KAZN: variants seen among roughly 807,000 people sequenced by gnomAD.
The protein encoded by KAZN is kazrin, periplakin interacting protein, also known as kazrin.
Under a neutral mutation model 87.4 loss-of-function variants are expected in KAZN, and 40 were observed. That is an observed-to-expected ratio of 0.46 (90% CI 0.36 to 0.60). The LOEUF is 0.60. Ranked by LOEUF, KAZN falls within the 20% of genes least tolerant of loss-of-function variation. The probability of loss-of-function intolerance (pLI) is 0.00; values close to 1 mark genes in which losing one functional copy is unlikely to be tolerated. For missense variants in KAZN, 898 were observed against 1,073.9 expected (o/e 0.84, Z 2.29); for synonymous variants, 466 against 458.3 (o/e 1.02, Z -0.22).
chr1:14,278,839 T>C (rs12136800), intron 2 of KAZN, among the ~76,000 whole-genome samples: 2,598 of 152,032 alleles, frequency 0.017, 44 homozygotes, highest in Non-Finnish European at 0.027. Flanking sequence ...TTTTAGTCTG[T>C]GCATGTTGTC....
chr1:14,675,454 C>T (rs1640163723), intron 1 of KAZN, among the ~76,000 whole-genome samples: 1 of 152,086 alleles, frequency 6.6e-6, no homozygotes, highest in South Asian at 2.1e-4. Flanking sequence ...AATGTTTGTC[C>T]TTCTACTTGG....
intron 2 of KAZN, among the ~76,000 whole-genome samples, chr1:15,002,722 T>A (rs111664369): frequency 0.023 from 3,531 of 151,926 alleles, 129 homozygotes; most frequent in African/African-American, 0.08. Context: ...ACACCTGTAA[T>A]CCCAGCACTT....
chr1:14,131,827 G>C (rs1181261382), intron 1 of KAZN, among the ~76,000 whole-genome samples: 3 of 152,022 alleles, frequency 2.0e-5, no homozygotes, highest in African/African-American at 7.2e-5. Flanking sequence ...ACTTGGCTTT[G>C]TCCTCTGGAT....
intron 2 of KAZN, among the ~76,000 whole-genome samples, chr1:14,997,171 T>G (rs921655595): frequency 2.0e-5 from 3 of 151,992 alleles, no homozygotes; most frequent in African/African-American, 7.2e-5. Context: ...TTCATGCATT[T>G]CACAGACTCT....
intron 1 of KAZN, among the ~76,000 whole-genome samples, chr1:14,011,769 A>G (rs1426976047): frequency 6.6e-6 from 1 of 152,138 alleles, no homozygotes; most frequent in Non-Finnish European, 1.5e-5. Context: ...TACTTCATAG[A>G]ATTGTTGCAA....
At chr1:14,091,965 G>A (rs1218967268) in intron 1 of KAZN, among the ~76,000 whole-genome samples, 1 of 151,982 alleles carries the variant, frequency 6.6e-6, no homozygotes, top group Non-Finnish European at 1.5e-5. Flanking sequence ...GACACACACT[G>A]TAATTTTTAT....
At chr1:14,416,183 C>T (rs1664743036) in intron 2 of KAZN, among the ~76,000 whole-genome samples, 1 of 152,176 alleles carries the variant, frequency 6.6e-6, no homozygotes, top group Non-Finnish European at 1.5e-5. Flanking sequence ...CAGGGATTCC[C>T]TGGACAGAAT....
At chr1:14,902,328 C>G (rs1656020148) in intron 1 of KAZN, among the ~76,000 whole-genome samples, 1 of 151,942 alleles carries the variant, frequency 6.6e-6, no homozygotes, top group Non-Finnish European at 1.5e-5. Flanking sequence ...CGGGTTCACG[C>G]CATTCTCCTG....
chr1:14,092,596 T>TATATACATATGTATGTACATAC (rs1557469255), intron 1 of KAZN, among the ~76,000 whole-genome samples: 23 of 131,424 alleles, frequency 1.8e-4, no homozygotes, highest in African/African-American at 5.6e-4. Flanking sequence ...TATGTACATA[T>TATATACATATGTATGTACATAC]ACACACATAT....
chr1:14,013,574 C>T (rs1264810584), intron 1 of KAZN, among the ~76,000 whole-genome samples: 1 of 152,080 alleles, frequency 6.6e-6, no homozygotes, highest in African/African-American at 2.4e-5. Context: ...TCATGGGATT[C>T]GTGCTGTATC....
intron 1 of KAZN, among the ~76,000 whole-genome samples, chr1:14,940,474 G>A (rs10927588): frequency 0.19 from 28,937 of 152,166 alleles, 3,123 homozygotes; most frequent in African/African-American, 0.28. Flanking sequence ...ACCATGGCAC[G>A]GGGGCCAGCT....
chr1:14,466,331 G>GA (rs35923619), intron 2 of KAZN, among the ~76,000 whole-genome samples: 59,084 of 150,200 alleles, frequency 0.39, 12,474 homozygotes, highest in South Asian at 0.54. Flanking sequence ...TTTTTATAAG[G>GA]AAAACAAAAA....
rs150210804 is a variant in KAZN at position 14,629,446 on chromosome 1, G to A, written c.226+30223G>A. Among the ~76,000 whole-genome samples the A allele has an allele frequency of 1.6e-4, 25 of 152,304 alleles. 1 individual carries two copies. The East Asian group carries it at 4.8e-3, about 29-fold the overall frequency. ...AACGAACAGAAACCCACGTTAAACT[G>A]GTTGAAATGGTCAGGGATGCTCATG... is the stretch of plus-strand genomic sequence containing the variant. On this transcript the variant is annotated intron_variant, in intron 1 of 14. Coordinates refer to ENST00000376030, the MANE Select transcript of KAZN (RefSeq NM_201628.3).
intron 2 of KAZN, among the ~76,000 whole-genome samples, chr1:14,290,312 A>G (rs1016858636): frequency 1.3e-5 from 2 of 152,226 alleles, no homozygotes; most frequent in East Asian, 3.8e-4. Flanking sequence ...TTTTAGGTAC[A>G]CCAATCAAAC....
At chr1:14,123,611 A>G (rs956767722) in intron 1 of KAZN, among the ~76,000 whole-genome samples, 4 of 152,240 alleles carry the variant, frequency 2.6e-5, no homozygotes, top group African/African-American at 9.6e-5. Context: ...ATTATGAAAT[A>G]AATAGGCAAT....
At chr1:14,895,789 C>T (rs1655201202) in intron 1 of KAZN, among the ~76,000 whole-genome samples, 1 of 152,232 alleles carries the variant, frequency 6.6e-6, no homozygotes, top group Non-Finnish European at 1.5e-5. Flanking sequence ...CCACCATGTT[C>T]TCTGCCCTGG....
At chr1:15,047,558 G>T (rs1251676078) in intron 4 of KAZN, among the ~76,000 whole-genome samples, 1 of 152,166 alleles carries the variant, frequency 6.6e-6, no homozygotes, top group Non-Finnish European at 1.5e-5. Context: ...ATGACTTGAG[G>T]TCAGGAGTTT....
chr1:13,901,137 A>AC (rs1385196546), intron 1 of KAZN, among the ~76,000 whole-genome samples: 65 of 151,926 alleles, frequency 4.3e-4, no homozygotes, highest in Non-Finnish European at 4.7e-4. Context: ...AAAAACAGCC[A>AC]CCCCCCGTCC....
chr1:14,563,895 G>A (rs1256038181), intron 2 of KAZN, among the ~76,000 whole-genome samples: 1 of 23,518 alleles, frequency 4.3e-5, no homozygotes, highest in East Asian at 0.016. Context: ...TTTTGTCTGA[G>A]ACAGAGTCTT....
Sources: allele counts gnomAD v4.1 joint callset (sites outside exome capture counted in the v4.1 genomes callset), GRCh38; gene constraint gnomAD v4.1.1; transcripts MANE v1.5; gene names NCBI Gene and HGNC (gene_info 2026-07-23, HGNC 2026-07-21).